The following IAPP variants were observed in gnomAD, a reference collection of about 807,000 sequenced individuals.
The protein encoded by IAPP is islet amyloid polypeptide, also known as Islet amyloid polypeptide (diabetes-associated peptide; amylin).
IAPP carries 4 observed loss-of-function variants against 2.9 expected under a neutral mutation model. That is an observed-to-expected ratio of 1.39 (90% CI 0.69 to 3.19). The LOEUF (loss-of-function observed/expected upper bound fraction) is 3.19. IAPP is among the 30% of genes most tolerant of loss of function. IAPP has a pLI of 0.01. For missense variants in IAPP, 114 were observed against 105.3 expected (o/e 1.08, Z -0.36); for synonymous variants, 40 against 42.1 (o/e 0.95, Z 0.19).
chr12:21,357,777 G>T (rs914701105), intron 1 of IAPP, among the ~76,000 whole-genome samples: 1 of 152,012 alleles, frequency 6.6e-6, no homozygotes, highest in Non-Finnish European at 1.5e-5. Context: ...TAATCTGTAT[G>T]TCTGAAACAA....
chr12:21,365,843 A>G (rs1939332982), intron 1 of IAPP, among the ~76,000 whole-genome samples: 1 of 152,246 alleles, frequency 6.6e-6, no homozygotes, highest in Non-Finnish European at 1.5e-5. Context: ...TCAAAACCAC[A>G]ATGAGATACC....
At chr12:21,366,602 G>C (rs1363004270) in intron 1 of IAPP, among the ~76,000 whole-genome samples, 1 of 151,736 alleles carries the variant, frequency 6.6e-6, no homozygotes, top group Non-Finnish European at 1.5e-5. Context: ...TAACAAAAGG[G>C]ATCTGAAGGA....
Position 21,373,363 on chromosome 12 carries a change from G to A in IAPP, c.12G>A (p.Leu4=), listed in dbSNP as rs202231303. The A allele has an allele frequency of 2.5e-5, 40 of 1,612,696 alleles. No individual in the cohort carries two copies. In the East Asian group the frequency reaches 6.5e-4, roughly 26 times the overall value. Reference sequence around the variant, plus strand: ...AAATTTGAGAAGCAATGGGCATCCTGAAGCTGCAAGTATTTCTCATTGTGC... The same window carrying A: ...AAATTTGAGAAGCAATGGGCATCCTAAAGCTGCAAGTATTTCTCATTGTGC... MGI[L]KLQVFLIVLS... Residue 4 remains leucine, a synonymous_variant, in exon 2 of 3, where the codon CTG becomes CTA. Transcript: ENST00000240652.
intron 1 of IAPP, among the ~76,000 whole-genome samples, chr12:21,363,669 AAG>A (rs1237620529): frequency 2.0e-5 from 3 of 152,192 alleles, no homozygotes; most frequent in African/African-American, 7.2e-5. Context: ...TAAAGAAGAA[AAG>A]AGAGAAGTGT....
chr12:21,378,341 C>T lies in IAPP; in HGVS notation c.185C>T (p.Ser62Phe). 1 of 1,614,162 alleles carries T rather than the reference C, an allele frequency of 6.2e-7. No homozygotes were observed. The highest frequency in any genetic ancestry group is 8.5e-7 in the Non-Finnish European group (1 of 1,179,974). ...AACAACTTTGGTGCCATTCTCTCAT[C>T]TACCAACGTGGGATCCAATACATAT... ...SSNNFGAILS[S>F]TNVGSNTYGK... is the part of the protein sequence containing the mutation. Residue 62 changes from serine (S) to phenylalanine (F), a missense_variant, in exon 3 of 3, where the codon TCT becomes TTT. Transcript: ENST00000240652.
At chr12:21,377,711 A>C (rs1940304497) in intron 2 of IAPP, among the ~76,000 whole-genome samples, 1 of 152,206 alleles carries the variant, frequency 6.6e-6, no homozygotes. Flanking sequence ...CTCAAGGTTC[A>C]TCCGTGTGTT....
intron 1 of IAPP, 148 bp from the exon 2 acceptor site, chr12:21,373,189 A>G (rs920899439): frequency 1.5e-6 from 1 of 646,802 alleles, no homozygotes; most frequent in Non-Finnish European, 2.7e-6. Context: ...AGTGGACAAT[A>G]TTAAGGGACT....
At chr12:21,366,619 G>A (rs977296978) in intron 1 of IAPP, among the ~76,000 whole-genome samples, 3 of 151,880 alleles carry the variant, frequency 2.0e-5, no homozygotes, top group Non-Finnish European at 4.4e-5. Flanking sequence ...AGGAAATGAA[G>A]ACCACAACAG....
upstream of IAPP, among the ~76,000 whole-genome samples, chr12:21,371,732 G>A (rs1208467668): frequency 6.6e-6 from 1 of 152,160 alleles, no homozygotes; most frequent in African/African-American, 2.4e-5. Flanking sequence ...GATGGGTGCG[G>A]TGGCTGACGC....
upstream of IAPP, among the ~76,000 whole-genome samples, chr12:21,368,116 G>T (rs1335174090): frequency 2.6e-5 from 4 of 152,056 alleles, no homozygotes; most frequent in Non-Finnish European, 5.9e-5. Flanking sequence ...TGAACCCACT[G>T]ATCATTTTTA....
Position 21,378,802 on chromosome 12 carries a change from C to T in IAPP, c.*376C>T, listed in dbSNP as rs766951157. The T allele has an allele frequency of 1.5e-4, 28 of 182,940 alleles. No homozygotes were observed. Among genetic ancestry groups the T allele is most frequent in the African/African-American group, 6.4e-4 (27 of 42,142 alleles). The allele number at this position is 182,940 out of a possible 1,614,324, so 11.3% of individuals were successfully genotyped here. On this transcript the variant is annotated 3_prime_UTR_variant, in exon 3 of 3. Transcript: ENST00000240652. ...TGAGAAAATCAGTAATTGGACCAGG[C>T]GCGGTGGCTCTTGCCTGTAATCCCA...
intron 1 of IAPP, among the ~76,000 whole-genome samples, chr12:21,360,446 C>T (rs1157234056): frequency 3.9e-5 from 6 of 152,148 alleles, no homozygotes; most frequent in African/African-American, 7.2e-5. Context: ...CCAAGATGGC[C>T]GAATAGGAAC....
chr12:21,368,711 G>C (rs1939571788), upstream of IAPP, among the ~76,000 whole-genome samples: 1 of 152,016 alleles, frequency 6.6e-6, no homozygotes, highest in African/African-American at 2.4e-5. Context: ...GAGCAAGATA[G>C]ATCATTTGTT....
intron 1 of IAPP, among the ~76,000 whole-genome samples, chr12:21,360,426 G>C (rs1481339850): frequency 6.6e-6 from 1 of 152,194 alleles, no homozygotes; most frequent in Non-Finnish European, 1.5e-5. Context: ...ATAAACATCA[G>C]AGGGTGGCAC....
chr12:21,373,121 T>A (rs1939919363), intron 1 of IAPP, 117 bp downstream of exon 1: 2 of 566,098 alleles, frequency 3.5e-6, no homozygotes, highest in Admixed American at 6.1e-5. Context: ...ACAATATAAA[T>A]GTTCAGATTG....
chr12:21,362,726 C>CA (rs1447870874), intron 1 of IAPP, among the ~76,000 whole-genome samples: 3 of 151,476 alleles, frequency 2.0e-5, no homozygotes, highest in African/African-American at 7.3e-5. Context: ...AAATGGAAAA[C>CA]AAAAAAAGGC....
chr12:21,378,284 A>G lies in IAPP; in HGVS notation c.128A>G (p.Gln43Arg), dbSNP rs775281880. 1.9e-6 allele frequency: 3 copies of G among 1,614,092 alleles called. No individual in the cohort carries two copies. Among genetic ancestry groups the G allele is most frequent in the Admixed American group, 3.3e-5 (2 of 60,010 alleles). ...TGCAACACTGCCACATGTGCAACGC[A>G]GCGCCTGGCAAATTTTTTAGTTCAT... Reference protein sequence around the residue: ...RKCNTATCATQRLANFLVHSS... With the variant: ...RKCNTATCATRRLANFLVHSS... The change falls in exon 3 of 3, where the codon CAG becomes CGG. Residue 43 changes from glutamine to arginine, a missense_variant. Transcript: ENST00000240652.
intron 1 of IAPP, among the ~76,000 whole-genome samples, chr12:21,358,008 AGGTGGGGCAGGGT>A (rs1322954466): frequency 6.6e-6 from 1 of 152,124 alleles, no homozygotes; most frequent in Non-Finnish European, 1.5e-5. Context: ...GGGTGGCGTG[AGGTGGGGCAGGGT>A]GGAGTGAGTT....
At chr12:21,369,296 C>T (rs571634988), upstream of IAPP, among the ~76,000 whole-genome samples, 1 of 152,214 alleles carries the variant, frequency 6.6e-6, no homozygotes, top group Non-Finnish European at 1.5e-5. Flanking sequence ...ATGAATATGA[C>T]TTGGAGTCAT....
Sources: allele counts gnomAD v4.1 joint callset (sites outside exome capture counted in the v4.1 genomes callset), GRCh38; gene constraint gnomAD v4.1.1; transcripts MANE v1.5; gene names NCBI Gene and HGNC (gene_info 2026-07-23, HGNC 2026-07-21).